The following HMGA2 variants were observed in gnomAD, a reference collection of about 807,000 sequenced individuals.
HMGA2 encodes the protein high mobility group protein HMGI-C.
HMGA2 carries 8 observed loss-of-function variants against 19.1 expected under a neutral mutation model. That is an observed-to-expected ratio of 0.42 (90% CI 0.25 to 0.76). The LOEUF (loss-of-function observed/expected upper bound fraction) is 0.76. HMGA2 is among the 30% of genes least tolerant of loss of function. The pLI is 0.28. For synonymous variants in HMGA2, 60 were observed against 48.8 expected (o/e 1.23, Z -0.96); for missense variants, 109 against 136.3 (o/e 0.80, Z 1.00).
At chr12:65,908,301 G>A (rs952775631) in intron 3 of HMGA2, among the ~76,000 whole-genome samples, 1 of 152,148 alleles carries the variant, frequency 6.6e-6, no homozygotes, top group African/African-American at 2.4e-5. Context: ...CTGTTGGCAT[G>A]AGTTGTTCTC....
At chr12:65,951,558 C>G in intron 4 of HMGA2, 143 bp downstream of exon 4, 1 of 641,188 alleles carries the variant, frequency 1.6e-6, no homozygotes, top group Non-Finnish European at 2.8e-6. Flanking sequence ...TGTGTTGTAG[C>G]CTTCAAAGTT....
At chr12:65,862,142 G>A (rs1872124393) in intron 3 of HMGA2, among the ~76,000 whole-genome samples, 1 of 152,054 alleles carries the variant, frequency 6.6e-6, no homozygotes, top group Non-Finnish European at 1.5e-5. Context: ...ACCACGCCTG[G>A]CTGTGCAACA....
At chr12:65,830,985 C>G (rs1476771950) in intron 2 of HMGA2, 3 of 151,810 alleles carry the variant, frequency 2.0e-5, no homozygotes, top group African/African-American at 7.2e-5. Context: ...AATCTGAGTG[C>G]TCAAAATTTG....
intron 3 of HMGA2, among the ~76,000 whole-genome samples, chr12:65,902,412 C>T (rs1245211008): frequency 3.9e-5 from 6 of 152,112 alleles, no homozygotes; most frequent in African/African-American, 7.2e-5. Flanking sequence ...AGACATTATA[C>T]TGGTAATAAA....
intron 3 of HMGA2, among the ~76,000 whole-genome samples, chr12:65,947,657 T>A (rs868186394): frequency 2.0e-5 from 3 of 152,374 alleles, no homozygotes; most frequent in Middle Eastern, 3.4e-3. Flanking sequence ...GTGCCTAAAC[T>A]GTATAAACTC....
intron 3 of HMGA2, among the ~76,000 whole-genome samples, chr12:65,887,815 C>A (rs958707330): frequency 5.9e-5 from 9 of 151,330 alleles, no homozygotes; most frequent in Admixed American, 4.6e-4. Context: ...TTTGGAGTTG[C>A]GTCATTAGGA....
chr12:65,838,413 C>T (rs1427057835), intron 2 of HMGA2, 106 bp from the exon 3 acceptor site: 4 of 771,080 alleles, frequency 5.2e-6, no homozygotes, highest in African/African-American at 3.6e-5. Context: ...AAAACCGATA[C>T]GTCATCTGCA....
rs151129887 is a variant in HMGA2, at chr12:65,844,242, T to C, written c.249+5673T>C. Among the ~76,000 whole-genome samples the C allele has an allele frequency of 7.3e-3, 1,110 of 152,262 alleles. 4 individuals carry two copies. The highest frequency in any genetic ancestry group is 0.014 in the Middle Eastern group (4 of 294). ...ATTTTCCCTTAGACCCTTGCCATTATCACGTGCTTTAAAAAACAGGAGATG... is the reference window on the plus strand; with the variant it reads ...ATTTTCCCTTAGACCCTTGCCATTACCACGTGCTTTAAAAAACAGGAGATG... On this transcript the variant is annotated intron_variant, in intron 3 of 4. Transcript: ENST00000403681.
intron 3 of HMGA2, among the ~76,000 whole-genome samples, chr12:65,931,635 T>G (rs1332598345): frequency 6.6e-6 from 1 of 151,942 alleles, no homozygotes; most frequent in Admixed American, 6.6e-5. Flanking sequence ...ATGTACACGG[T>G]ATTTTTAGCA....
chr12:65,929,357 A>T (rs933961341), intron 3 of HMGA2, among the ~76,000 whole-genome samples: 8 of 152,126 alleles, frequency 5.3e-5, no homozygotes, highest in African/African-American at 1.7e-4. Context: ...TTTGAAGATA[A>T]AAGGAAGTAA....
chr12:65,916,418 C>A (rs1028581381), intron 3 of HMGA2, among the ~76,000 whole-genome samples: 2 of 152,176 alleles, frequency 1.3e-5, no homozygotes, highest in Non-Finnish European at 2.9e-5. Flanking sequence ...TCCATTGTTA[C>A]ATTTATCTTG....
intron 3 of HMGA2, among the ~76,000 whole-genome samples, chr12:65,873,062 C>G (rs1470153755): frequency 6.6e-6 from 1 of 152,120 alleles, no homozygotes; most frequent in Non-Finnish European, 1.5e-5. Context: ...AATACGGTGC[C>G]CCCGCCAACC....
rs1870022860 is a variant in HMGA2 at position 65,824,710 on chromosome 12, C to A, written c.-561C>A. The A allele has an allele frequency of 5.1e-6, 1 of 197,088 alleles. No homozygotes were observed. The highest frequency in any genetic ancestry group is 7.9e-5 in the Admixed American group (1 of 12,650). The allele number at this position is 197,088 out of a possible 1,614,324, so 12.2% of individuals were successfully genotyped here. On this transcript the variant is annotated 5_prime_UTR_variant, in exon 1 of 5. Coordinates refer to ENST00000403681, the MANE Select transcript of HMGA2 (RefSeq NM_003483.6). ...TGCCCAAGGCACTTTCAATCTCAAT[C>A]TCTTCTCTCTCTCTCTCTCTCTCTC...
chr12:65,864,697 T>C (rs1006359803), intron 3 of HMGA2, among the ~76,000 whole-genome samples: 48 of 152,360 alleles, frequency 3.2e-4, no homozygotes, highest in African/African-American at 1.2e-3. Flanking sequence ...TTATAGTGTT[T>C]CCATTTAACA....
intron 3 of HMGA2, among the ~76,000 whole-genome samples, chr12:65,944,224 C>G (rs1376665826): frequency 6.6e-6 from 1 of 152,124 alleles, no homozygotes; most frequent in Non-Finnish European, 1.5e-5. Context: ...TGATCAATAC[C>G]TGAGTTGACC....
chr12:65,888,377 C>T (rs946629114), intron 3 of HMGA2, among the ~76,000 whole-genome samples: 1 of 151,110 alleles, frequency 6.6e-6, no homozygotes, highest in Non-Finnish European at 1.5e-5. Flanking sequence ...ATTGCTTGAA[C>T]CCGGTAGGTG....
chr12:65,847,757 G>T (rs1871287448), intron 3 of HMGA2, among the ~76,000 whole-genome samples: 1 of 152,152 alleles, frequency 6.6e-6, no homozygotes, highest in Non-Finnish European at 1.5e-5. Context: ...CATGTGTCAA[G>T]CTCTCAATAG....
intron 3 of HMGA2, among the ~76,000 whole-genome samples, chr12:65,922,522 G>A (rs1281756499): frequency 1.3e-5 from 2 of 152,160 alleles, no homozygotes; most frequent in African/African-American, 4.8e-5. Context: ...ATTGTATCTA[G>A]GAAGTAACTA....
intron 3 of HMGA2, among the ~76,000 whole-genome samples, chr12:65,903,226 G>A (rs1672035006): frequency 6.6e-6 from 1 of 152,056 alleles, no homozygotes; most frequent in Admixed American, 6.5e-5. Flanking sequence ...ATACAATTTG[G>A]AACTAATGGC....
Sources: gnomAD v4.1 joint callset for allele counts (sites outside exome capture counted in the v4.1 genomes callset) on GRCh38, gnomAD v4.1.1 for gene constraint, MANE v1.5 for transcripts, NCBI Gene and HGNC (gene_info 2026-07-23, HGNC 2026-07-21) for gene names.